The following GNA11 variants were observed in gnomAD, a reference collection of about 807,000 sequenced individuals.
GNA11 encodes guanine nucleotide-binding protein subunit alpha-11.
GNA11 carries 8 observed loss-of-function variants against 38.2 expected under a neutral mutation model. The ratio of observed to expected loss-of-function variants is 0.21; its 90% CI spans 0.12 to 0.38. The LOEUF (loss-of-function observed/expected upper bound fraction) is 0.38. Among genes scored for constraint, GNA11 ranks in the 10% least tolerant of loss-of-function variants. GNA11 has a pLI of 1.00. For missense variants in GNA11, 268 were observed against 516.3 expected, an observed-to-expected ratio of 0.52 and a Z score of 4.66; for synonymous variants, 211 against 221.4, an observed-to-expected ratio of 0.95 and a Z score of 0.42.
At chr19:3,095,096 C>G (rs1913332303) in intron 1 of GNA11, among the ~76,000 whole-genome samples, 1 of 151,306 alleles carries the variant, frequency 6.6e-6, no homozygotes, top group Non-Finnish European at 1.5e-5. Flanking sequence ...CTGTCTAGGT[C>G]GGCACCTGGG....
chr19:3,111,196 C>T (rs1913766852), intron 2 of GNA11, among the ~76,000 whole-genome samples: 1 of 152,208 alleles, frequency 6.6e-6, no homozygotes, highest in Non-Finnish European at 1.5e-5. Flanking sequence ...ATTCTATGCA[C>T]TTCACTTGCT....
At chr19:3,100,548 T>C (rs1913477330) in intron 1 of GNA11, among the ~76,000 whole-genome samples, 1 of 152,200 alleles carries the variant, frequency 6.6e-6, no homozygotes, top group African/African-American at 2.4e-5. Flanking sequence ...CCCAATGCCC[T>C]GCAGGCTGGT....
At position 3,119,455 on chromosome 19, in the gene GNA11, T is replaced by A; in HGVS notation, c.889+96T>A. The A allele has an allele frequency of 8.7e-7, 1 of 1,154,114 alleles. No individual in the cohort carries two copies. Among genetic ancestry groups the A allele is most frequent in the Non-Finnish European group, 1.2e-6 (1 of 814,734 alleles). 71.5% of individuals were successfully genotyped at this position (1,154,114 alleles called of 1,614,324 possible). A position where few individuals can be genotyped will look rare whatever the true frequency, so the allele number is the denominator to read the frequency against. On this transcript the variant is annotated intron_variant, in intron 6 of 6. Coordinates refer to ENST00000078429, the MANE Select transcript of GNA11 (RefSeq NM_002067.5). The surrounding 1 kb of genome is among the most constrained non-coding windows in gnomAD (Gnocchi z 4.6). ...AGAGGGGCTCATACAGGCCGGGAGC[T>A]CTAAGGGAGGGCGTCTGATGGGAGG...
At chr19:3,095,490 G>A (rs941378073) in intron 1 of GNA11, among the ~76,000 whole-genome samples, 1 of 150,284 alleles carries the variant, frequency 6.7e-6, no homozygotes. Context: ...TACACTCCAT[G>A]CAGGCCCTGT....
At chr19:3,116,163 G>A (rs981989308) in intron 4 of GNA11, among the ~76,000 whole-genome samples, 1 of 152,124 alleles carries the variant, frequency 6.6e-6, no homozygotes. Flanking sequence ...GACCCTCAGT[G>A]GGTCCTGTGT....
chr19:3,122,560 G>C lies in GNA11; in HGVS notation c.*1381G>C, dbSNP rs1189587380. 6.0e-5 allele frequency: 14 copies of C among 232,924 alleles called. No individual in the cohort carries two copies. The highest frequency in any genetic ancestry group is 1.7e-5 in the Non-Finnish European group (2 of 117,936). 14.4% of individuals were successfully genotyped at this position (232,924 alleles called of 1,614,324 possible). Reference sequence around the variant, plus strand: ...GAGAGACTCGGAAGGTGGGGAACGAGGGGACTGTGTTTGGGGAGGTGGCTT... The same window carrying C: ...GAGAGACTCGGAAGGTGGGGAACGACGGGACTGTGTTTGGGGAGGTGGCTT... On this transcript the variant is annotated 3_prime_UTR_variant, in exon 7 of 7. Transcript: ENST00000078429. The surrounding 1 kb of genome is among the most constrained non-coding windows in gnomAD (Gnocchi z 7.7).
At chr19:3,103,709 T>G (rs1025253567) in intron 1 of GNA11, among the ~76,000 whole-genome samples, 8 of 144,744 alleles carry the variant, frequency 5.5e-5, no homozygotes, top group Non-Finnish European at 1.2e-4. Context: ...TTTTTGTAAA[T>G]TTTTTTTTTT....
chr19:3,108,049 AC>A lies in GNA11; in HGVS notation c.137-2099del, dbSNP rs1251067399. Among the ~76,000 whole-genome samples, 3 of 152,118 alleles carry A rather than the reference AC, an allele frequency of 2.0e-5. No homozygotes were observed. Among genetic ancestry groups the A allele is most frequent in the African/African-American group, 7.2e-5 (3 of 41,400 alleles). The stretch of plus-strand genomic sequence containing the variant: ...ATCAATTTTCTTTCTTCTGAAAAGG[AC>A]TCAGGGTGTTTGAGAAAAGTACTGG... On this transcript the variant is annotated intron_variant, in intron 1 of 6. Coordinates refer to ENST00000078429, the MANE Select transcript of GNA11 (RefSeq NM_002067.5). The surrounding 1 kb of genome is among the most constrained non-coding windows in gnomAD (Gnocchi z 4.5).
Position 3,110,199 on chromosome 19 carries a change from C to T in GNA11, c.187C>T (p.His63Tyr). ...STFIKQMRIIHGAGYSEEDKR... is the reference protein window; with the variant it reads ...STFIKQMRIIYGAGYSEEDKR... ...GTTCATCAAGCAGATGCGCATCATC[C>T]ACGGCGCCGGCTACTCGGAGGAGGA... The change falls in exon 2 of 7, where the codon CAC becomes TAC. Residue 63 changes from histidine to tyrosine, a missense_variant. Transcript: ENST00000078429. The surrounding 1 kb of genome is among the most constrained non-coding windows in gnomAD (Gnocchi z 5.4). The T allele has an allele frequency of 6.2e-7, 1 of 1,613,578 alleles. No homozygotes were observed. The highest frequency in any genetic ancestry group is 8.5e-7 in the Non-Finnish European group (1 of 1,179,806).
intron 2 of GNA11, among the ~76,000 whole-genome samples, chr19:3,111,290 CAAAG>C (rs1449882066): frequency 6.6e-6 from 1 of 152,190 alleles, no homozygotes; most frequent in Non-Finnish European, 1.5e-5. Flanking sequence ...TTCATTTTCT[CAAAG>C]GAAGCCCCTT....
rs200532051 is a variant in GNA11, at chr19:3,118,909, G to A, written c.606-15G>A. 27 of 1,613,260 alleles carry A rather than the reference G, an allele frequency of 1.7e-5. No homozygotes were observed. In the Admixed American group the frequency reaches 4.2e-4, roughly 25 times the overall value. ...GGGCGCCAGGTGGCTGAGTCCTGGC[G>A]CTGTGTCCTTTCAGGATGGTGGATG... On this transcript the variant is annotated splice_polypyrimidine_tract_variant and intron_variant, in intron 4 of 6. Coordinates refer to ENST00000078429, the MANE Select transcript of GNA11 (RefSeq NM_002067.5).
intron 4 of GNA11, chr19:3,118,682 TCCCTGGGCCCA>T (rs1913985852): frequency 2.0e-6 from 1 of 489,036 alleles, no homozygotes; most frequent in East Asian, 3.2e-5. Context: ...AGCGCCCGCT[TCCCTGGGCCCA>T]GTGGTCTCAG....
intron 4 of GNA11, chr19:3,115,445 AGT>A (rs1156456819): frequency 1.0e-5 from 2 of 196,744 alleles, no homozygotes; most frequent in African/African-American, 4.7e-5. Context: ...CTTCATCCTC[AGT>A]GTGTGTTTGA....
At chr19:3,113,531 CCGGTGCCTGG>C in intron 3 of GNA11, 47 bp downstream of exon 3, 1 of 1,397,886 alleles carries the variant, frequency 7.2e-7, no homozygotes, top group Non-Finnish European at 9.4e-7. Flanking sequence ...CAGCTGCGGG[CCGGTGCCTGG>C]GACCCTTCGG....
Position 3,094,590 on chromosome 19 carries a change from G to C in GNA11, c.-62G>C, listed in dbSNP as rs2145300047. On this transcript the variant is annotated 5_prime_UTR_variant, in exon 1 of 7. Coordinates refer to ENST00000078429, the MANE Select transcript of GNA11 (RefSeq NM_002067.5). This position sits in a 1 kb window ranked among gnomAD's most constrained non-coding sequence, Gnocchi z 6.0. ...CGGCGGCCGAGGCGGCTCCGGCCAGGGCCGGGCCGGGGGCCGGGGGGCGGC... is the reference window on the plus strand; with the variant it reads ...CGGCGGCCGAGGCGGCTCCGGCCAGCGCCGGGCCGGGGGCCGGGGGGCGGC... 1 of 886,896 alleles carries C rather than the reference G, an allele frequency of 1.1e-6. No individual in the cohort carries two copies. Among genetic ancestry groups the C allele is most frequent in the Non-Finnish European group, 1.4e-6 (1 of 735,234 alleles). The allele number at this position is 886,896 out of a possible 1,614,324, so 54.9% of individuals were successfully genotyped here.
Position 3,094,616 on chromosome 19 carries a change from GGCGGGCA to G in GNA11, c.-34_-28del, listed in dbSNP as rs1913315118. 1 of 1,096,048 alleles carries G rather than the reference GGCGGGCA, an allele frequency of 9.1e-7. No individual in the cohort carries two copies. Among genetic ancestry groups the G allele is most frequent in the African/African-American group, 1.7e-5 (1 of 59,534 alleles). 67.9% of individuals were successfully genotyped at this position (1,096,048 alleles called of 1,614,324 possible). ...GCCGGGCCGGGGGCCGGGGGGCGGC[GGCGGGCA>G]GGCGGCCGCGTCGGCCGGGGCCGGG... On this transcript the variant is annotated 5_prime_UTR_variant, in exon 1 of 7. Coordinates refer to ENST00000078429, the MANE Select transcript of GNA11 (RefSeq NM_002067.5). This position sits in a 1 kb window ranked among gnomAD's most constrained non-coding sequence, Gnocchi z 6.0.
In GNA11 at chr19:3,094,745, G is replaced by C; in HGVS notation, c.94G>C (p.Asp32His). 1 of 1,590,394 alleles carries C rather than the reference G, an allele frequency of 6.3e-7. No individual in the cohort carries two copies. Among genetic ancestry groups the C allele is most frequent in the South Asian group, 1.1e-5 (1 of 88,648 alleles). ...NAEIEKQLRR[D>H]KRDARRELKL... is the part of the protein sequence containing the mutation. ...CGAGATCGAGAAGCAGCTGCGGCGGGACAAGCGCGACGCCCGGCGCGAGCT... is the reference window on the plus strand; with the variant it reads ...CGAGATCGAGAAGCAGCTGCGGCGGCACAAGCGCGACGCCCGGCGCGAGCT... Residue 32 changes from aspartate (D) to histidine (H), a missense_variant, in exon 1 of 7, where the codon GAC becomes CAC. Transcript: ENST00000078429. The surrounding 1 kb of genome is among the most constrained non-coding windows in gnomAD (Gnocchi z 6.0).
chr19:3,119,250 C>G lies in GNA11; in HGVS notation c.780C>G (p.Thr260=). The G allele has an allele frequency of 6.2e-7, 1 of 1,613,890 alleles. No homozygotes were observed. The highest frequency in any genetic ancestry group is 1.3e-5 in the African/African-American group (1 of 75,034). Residue 260 remains threonine (T), a synonymous_variant, in exon 6 of 7, where the codon ACC becomes ACG. Coordinates refer to ENST00000078429, the MANE Select transcript of GNA11 (RefSeq NM_002067.5). The surrounding 1 kb of genome is among the most constrained non-coding windows in gnomAD (Gnocchi z 4.6). Reference sequence around the variant, plus strand: ...AAGCCCTGTTCCGGACCATCATCACCTACCCCTGGTTCCAGAACTCCTCCG... The same window carrying G: ...AAGCCCTGTTCCGGACCATCATCACGTACCCCTGGTTCCAGAACTCCTCCG... ...ESKALFRTII[T]YPWFQNSSVI...
In GNA11 at chr19:3,094,594, G is replaced by T; in HGVS notation, c.-58G>T. The T allele has an allele frequency of 1.1e-6, 1 of 910,348 alleles. No individual in the cohort carries two copies. Among genetic ancestry groups the T allele is most frequent in the Non-Finnish European group, 1.3e-6 (1 of 753,310 alleles). 56.4% of individuals were successfully genotyped at this position (910,348 alleles called of 1,614,324 possible). A position where few individuals can be genotyped will look rare whatever the true frequency, so the allele number is the denominator to read the frequency against. ...GGCCGAGGCGGCTCCGGCCAGGGCC[G>T]GGCCGGGGGCCGGGGGGCGGCGGCG... On this transcript the variant is annotated 5_prime_UTR_variant, in exon 1 of 7. Coordinates refer to ENST00000078429, the MANE Select transcript of GNA11 (RefSeq NM_002067.5). The surrounding 1 kb of genome is among the most constrained non-coding windows in gnomAD (Gnocchi z 6.0).
Sources: allele counts gnomAD v4.1 joint callset (sites outside exome capture counted in the v4.1 genomes callset), GRCh38; gene constraint gnomAD v4.1.1; non-coding constraint Gnocchi (gnomAD v3.1); transcripts MANE v1.5; gene names NCBI Gene and HGNC (gene_info 2026-07-23, HGNC 2026-07-21).